The following EYS variants were observed in gnomAD, a reference collection of about 807,000 sequenced individuals.
The protein encoded by EYS is protein eyes shut homolog.
Under a neutral mutation model 282.1 loss-of-function variants are expected in EYS, and 250 were observed. The observed-to-expected ratio is 0.89, with a 90% CI of 0.80 to 0.98. EYS has a LOEUF of 0.98. Among genes scored for constraint, EYS ranks in the 50% least tolerant of loss-of-function variants. The pLI is 0.00. For missense variants in EYS, 4,016 were observed against 3,709.0 expected (o/e 1.08, Z -2.15); for synonymous variants, 1,355 against 1,282.9 (o/e 1.06, Z -1.20).
intron 26 of EYS, among the ~76,000 whole-genome samples, chr6:64,580,068 T>A (rs1363948100): frequency 6.6e-6 from 1 of 152,160 alleles, no homozygotes; most frequent in Non-Finnish European, 1.5e-5. Context: ...GACTTCAACA[T>A]TTTTATAGCT....
At chr6:64,564,428 C>T (rs1197504822) in intron 26 of EYS, among the ~76,000 whole-genome samples, 1 of 151,522 alleles carries the variant, frequency 6.6e-6, no homozygotes, top group African/African-American at 2.4e-5. Flanking sequence ...CAGGTGCACA[C>T]CACCACGCCC....
intron 13 of EYS, among the ~76,000 whole-genome samples, chr6:65,022,122 T>C (rs1291987308): frequency 2.0e-5 from 3 of 152,228 alleles, no homozygotes; most frequent in Non-Finnish European, 4.4e-5. Context: ...TGGTGTGTTT[T>C]AGCTGCCTAG....
At chr6:64,084,697 A>G (rs1772086686) in intron 31 of EYS, among the ~76,000 whole-genome samples, 1 of 152,196 alleles carries the variant, frequency 6.6e-6, no homozygotes, top group Admixed American at 6.5e-5. Flanking sequence ...TAAAACTGAC[A>G]AGATCTTTAA....
chr6:64,914,193 C>G (rs1768093191), intron 15 of EYS, among the ~76,000 whole-genome samples: 1 of 151,980 alleles, frequency 6.6e-6, no homozygotes, highest in Admixed American at 6.6e-5. Context: ...AGAGTAAATG[C>G]AAATAGAGAG....
intron 11 of EYS, among the ~76,000 whole-genome samples, chr6:65,332,754 T>C (rs1248435834): frequency 6.6e-6 from 1 of 151,370 alleles, no homozygotes; most frequent in East Asian, 1.9e-4. Flanking sequence ...AGTGAAGTCA[T>C]CTAGCCATGA....
chr6:64,737,780 G>A, intron 22 of EYS, among the ~76,000 whole-genome samples: 1 of 152,156 alleles, frequency 6.6e-6, no homozygotes, highest in East Asian at 1.9e-4. Flanking sequence ...CAAAGTCAGA[G>A]TGTTGCATGA....
rs181944760 is a variant in EYS, at chr6:64,190,520, C to A, written c.6424+40072G>T. ...AACATTGAGAAAGGCATGGTGCATGCCAAACAAAGCATATTTTCAGGTTTC... is the reference window on the plus strand; with the variant it reads ...AACATTGAGAAAGGCATGGTGCATGACAAACAAAGCATATTTTCAGGTTTC... On this transcript the variant is annotated intron_variant, in intron 31 of 42. Transcript: ENST00000503581. Among the ~76,000 whole-genome samples, 27 of 152,222 alleles carry A rather than the reference C, an allele frequency of 1.8e-4. No individual in the cohort carries two copies. The East Asian group carries it at 4.4e-3, about 25-fold the overall frequency.
chr6:65,678,936 C>G (rs769892609), intron 1 of EYS, among the ~76,000 whole-genome samples: 5 of 151,412 alleles, frequency 3.3e-5, no homozygotes, highest in Non-Finnish European at 5.9e-5. Context: ...TTATAGATGG[C>G]CGACATCAAA....
intron 31 of EYS, among the ~76,000 whole-genome samples, chr6:64,088,292 G>A (rs1282764187): frequency 6.6e-6 from 1 of 151,838 alleles, no homozygotes; most frequent in Non-Finnish European, 1.5e-5. Context: ...AAAGCAACAA[G>A]GTCTTTATAC....
chr6:64,461,117 T>C (rs1043646053), intron 26 of EYS, among the ~76,000 whole-genome samples: 4 of 152,108 alleles, frequency 2.6e-5, no homozygotes, highest in Non-Finnish European at 2.9e-5. Flanking sequence ...TCAGGCAATG[T>C]TGGAGGTTGG....
chr6:65,258,246 A>C (rs968191790), intron 12 of EYS, among the ~76,000 whole-genome samples: 5 of 152,030 alleles, frequency 3.3e-5, no homozygotes, highest in African/African-American at 9.7e-5. Flanking sequence ...GGAATTTAAA[A>C]GTGGGGGGAA....
chr6:64,764,513 C>T (rs1411198668), intron 22 of EYS, among the ~76,000 whole-genome samples: 1 of 152,224 alleles, frequency 6.6e-6, no homozygotes, highest in Non-Finnish European at 1.5e-5. Context: ...CCAATTTTCC[C>T]TCCTAGGCCT....
chr6:64,550,902 A>G (rs548522856), intron 26 of EYS, among the ~76,000 whole-genome samples: 80 of 152,232 alleles, frequency 5.3e-4, no homozygotes, highest in African/African-American at 1.9e-3. Context: ...TCCAACTTAC[A>G]AGGGACGTGA....
At chr6:64,757,744 T>TGTGTGTGTGTGTG (rs1772996807) in intron 22 of EYS, among the ~76,000 whole-genome samples, 21 of 139,814 alleles carry the variant, frequency 1.5e-4, no homozygotes, top group Non-Finnish European at 2.5e-4. Context: ...CTTTTTTTCT[T>TGTGTGTGTGTGTG]TGTGTGTGTG....
intron 8 of EYS, among the ~76,000 whole-genome samples, chr6:65,366,945 C>A (rs1187618749): frequency 6.6e-6 from 1 of 151,580 alleles, no homozygotes; most frequent in Non-Finnish European, 1.5e-5. Context: ...CTGTATGCAA[C>A]TTTTTAATAA....
chr6:63,842,551 G>C (rs973203010), intron 36 of EYS, among the ~76,000 whole-genome samples: 1 of 152,130 alleles, frequency 6.6e-6, no homozygotes, highest in Admixed American at 6.6e-5. Flanking sequence ...CTCCCATTCT[G>C]TATGTTGCCT....
intron 26 of EYS, among the ~76,000 whole-genome samples, chr6:64,481,542 A>G: frequency 6.6e-6 from 1 of 151,540 alleles, no homozygotes. Context: ...ACACATATAT[A>G]CATACTTAAA....
chr6:65,459,341 T>C (rs554007893), intron 5 of EYS, among the ~76,000 whole-genome samples: 13 of 152,202 alleles, frequency 8.5e-5, no homozygotes, highest in Non-Finnish European at 1.6e-4. Flanking sequence ...TAAATGCCAG[T>C]GGTATTAATT....
intron 16 of EYS, among the ~76,000 whole-genome samples, chr6:64,911,905 C>T (rs1768005652): frequency 6.6e-6 from 1 of 152,094 alleles, no homozygotes; most frequent in Admixed American, 6.5e-5. Context: ...GCTGATATGA[C>T]CCAGAAAGCC....
Sources: gnomAD v4.1 joint callset for allele counts (sites outside exome capture counted in the v4.1 genomes callset) on GRCh38, gnomAD v4.1.1 for gene constraint, MANE v1.5 for transcripts, NCBI Gene and HGNC (gene_info 2026-07-23, HGNC 2026-07-21) for gene names.